The following ADAMTS18 variants were observed in gnomAD, a reference collection of about 807,000 sequenced individuals.
The protein encoded by ADAMTS18 is ADAM metallopeptidase with thrombospondin type 1 motif 18, also known as A disintegrin and metalloproteinase with thrombospondin motifs 18.
In ADAMTS18, 157 loss-of-function variants were observed where a neutral mutation model predicts 165.9. That is an observed-to-expected ratio of 0.95 (90% CI 0.83 to 1.08). The LOEUF (loss-of-function observed/expected upper bound fraction) is 1.08. Among genes scored for constraint, ADAMTS18 ranks in the 50% least tolerant of loss-of-function variants. The pLI, the probability that ADAMTS18 is intolerant of heterozygous loss-of-function variation, is 0.00. For synonymous variants in ADAMTS18, 782 were observed against 578.2 expected (o/e 1.35, Z -5.06); for missense variants, 2,040 against 1,534.0 (o/e 1.33, Z -5.51).
At chr16:77,369,420 G>A (rs761194276) in intron 3 of ADAMTS18, among the ~76,000 whole-genome samples, 43 of 152,098 alleles carry the variant, frequency 2.8e-4, no homozygotes, top group African/African-American at 7.0e-4. Flanking sequence ...TCCTTGAGGT[G>A]CAATATTAAG....
chr16:77,283,363 T>C lies in ADAMTS18; in HGVS notation c.*593A>G, dbSNP rs1321807220. 6.5e-6 allele frequency: 1 copy of C among 154,298 alleles called. No individual in the cohort carries two copies. Among genetic ancestry groups the C allele is most frequent in the Non-Finnish European group, 1.4e-5 (1 of 69,302 alleles). 9.6% of individuals were successfully genotyped at this position (154,298 alleles called of 1,614,324 possible). A position where few individuals can be genotyped will look rare whatever the true frequency, so the allele number is the denominator to read the frequency against. ...TCAGAGACTCTCTATAAGCAGAATA[T>C]AGTTTACACAAAATAATAAAGACAC... On this transcript the variant is annotated 3_prime_UTR_variant, in exon 23 of 23. Transcript: ENST00000282849.
At chr16:77,390,763 C>G (rs1201145742) in intron 3 of ADAMTS18, among the ~76,000 whole-genome samples, 2 of 151,992 alleles carry the variant, frequency 1.3e-5, no homozygotes, top group Non-Finnish European at 2.9e-5. Context: ...CTTTACCCCA[C>G]CTGGTCTGCA....
Position 77,282,684 on chromosome 16 carries a change from G to A in ADAMTS18, c.*1272C>T, listed in dbSNP as rs2055168679. On this transcript the variant is annotated 3_prime_UTR_variant, in exon 23 of 23. Transcript: ENST00000282849. ...ATAACCACTTCTCAAAAAATTACAG[G>A]AGGACACAGTATTATAATTACTTTG... is the stretch of plus-strand genomic sequence containing the variant. The A allele has an allele frequency of 6.6e-6, 1 of 152,508 alleles. No homozygotes were observed. Among genetic ancestry groups the A allele is most frequent in the Non-Finnish European group, 1.5e-5 (1 of 68,024 alleles). 9.4% of individuals were successfully genotyped at this position (152,508 alleles called of 1,614,324 possible).
intron 16 of ADAMTS18, among the ~76,000 whole-genome samples, chr16:77,305,074 C>T (rs572425710): frequency 3.4e-4 from 52 of 151,492 alleles, no homozygotes; most frequent in African/African-American, 1.2e-3. Flanking sequence ...AACATCAGCT[C>T]GTAAAGGCCT....
In ADAMTS18 at chr16:77,282,901, T is replaced by A; in HGVS notation, c.*1055A>T. ...TATTACCACTGTTTACTCCTTTCTT[T>A]CTCTCTTTTTTTTTTTTTTTTTTTT... On this transcript the variant is annotated 3_prime_UTR_variant, in exon 23 of 23. Coordinates refer to ENST00000282849, the MANE Select transcript of ADAMTS18 (RefSeq NM_199355.4). The A allele has an allele frequency of 1.6e-5, 1 of 63,232 alleles. No individual in the cohort carries two copies. The highest frequency in any genetic ancestry group is 3.2e-4 in the East Asian group (1 of 3,132). 3.9% of individuals were successfully genotyped at this position (63,232 alleles called of 1,614,324 possible).
intron 11 of ADAMTS18, among the ~76,000 whole-genome samples, chr16:77,338,933 G>A (rs571603143): frequency 5.7e-5 from 8 of 141,212 alleles, no homozygotes; most frequent in Admixed American, 1.5e-4. Flanking sequence ...CAGCCTGGGC[G>A]ACAGAGCAAG....
Position 77,322,408 on chromosome 16 carries a change from C to T in ADAMTS18, c.2091G>A (p.Met697Ile). The change falls in exon 14 of 23, where the codon ATG (methionine) becomes ATA (isoleucine). Residue 697 changes from methionine to isoleucine, a missense_variant. Physicochemically the swap from Met to Ile is conservative, Grantham distance 10. Coordinates refer to ENST00000282849, the MANE Select transcript of ADAMTS18 (RefSeq NM_199355.4). ...GAGTTCCATCTTTCACTTTGCCGGA[C>T]ATTGCAAAAAAAAATTCAAAGTTCT... ...KAENFEFFFAMSGKVKDGTPC... is the reference protein window; with the variant it reads ...KAENFEFFFAISGKVKDGTPC... 3 of 1,613,824 alleles carry T rather than the reference C, an allele frequency of 1.9e-6. No individual in the cohort carries two copies. The highest frequency in any genetic ancestry group is 2.5e-6 in the Non-Finnish European group (3 of 1,179,924).
chr16:77,395,205 G>T lies in ADAMTS18; in HGVS notation c.496-27482C>A, dbSNP rs140665339. ...TTAGGTCTTTCTGAATCAATTAGCA[G>T]TTAGTAAATGTGACCTGAGATGGGG... On this transcript the variant is annotated intron_variant, in intron 3 of 22. Coordinates refer to ENST00000282849, the MANE Select transcript of ADAMTS18 (RefSeq NM_199355.4). 2.0e-5 allele frequency among the ~76,000 whole-genome samples: 3 copies of T among 152,300 alleles called. No individual in the cohort carries two copies. The East Asian group carries it at 5.8e-4, about 29-fold the overall frequency.
At chr16:77,331,855 A>C (rs1195652006) in intron 12 of ADAMTS18, among the ~76,000 whole-genome samples, 2 of 152,234 alleles carry the variant, frequency 1.3e-5, no homozygotes, top group Non-Finnish European at 1.5e-5. Flanking sequence ...CGTGATGGGC[A>C]AAGTGTCTCC....
chr16:77,330,078 AG>A (rs907632603), intron 12 of ADAMTS18, among the ~76,000 whole-genome samples: 5 of 152,196 alleles, frequency 3.3e-5, no homozygotes. Context: ...TGGAAGATTC[AG>A]AAATCAGTAT....
intron 7 of ADAMTS18, among the ~76,000 whole-genome samples, chr16:77,360,199 C>T (rs1473421756): frequency 6.6e-6 from 1 of 152,176 alleles, no homozygotes; most frequent in Admixed American, 6.5e-5. Context: ...AAATCTAATA[C>T]AAAGGCACAA....
chr16:77,401,134 A>G (rs958373080), intron 3 of ADAMTS18, among the ~76,000 whole-genome samples: 4 of 152,074 alleles, frequency 2.6e-5, no homozygotes, highest in African/African-American at 7.2e-5. Context: ...GGGTGCCTAT[A>G]ATACCAGCTA....
At chr16:77,362,331 T>G (rs2056727980) in intron 6 of ADAMTS18, 67 bp from the exon 7 acceptor site, 1 of 1,546,812 alleles carries the variant, frequency 6.5e-7, no homozygotes, top group East Asian at 2.2e-5. Flanking sequence ...AATCATTCCA[T>G]TTGTACAGGC....
chr16:77,362,043 G>T (rs1475049592), intron 7 of ADAMTS18, 62 bp downstream of exon 7: 10 of 1,575,370 alleles, frequency 6.3e-6, no homozygotes, highest in Middle Eastern at 1.8e-4. Context: ...ATCATCCATA[G>T]AAAGTTTCCA....
intron 3 of ADAMTS18, among the ~76,000 whole-genome samples, chr16:77,382,271 C>T (rs980922174): frequency 2.6e-5 from 4 of 152,124 alleles, no homozygotes; most frequent in East Asian, 1.9e-4. Context: ...AGTGCAGTGG[C>T]GCGATCTCGG....
chr16:77,312,743 G>C, intron 16 of ADAMTS18, among the ~76,000 whole-genome samples: 1 of 152,154 alleles, frequency 6.6e-6, no homozygotes. Flanking sequence ...ACCACAATAA[G>C]ATACCATCTC....
chr16:77,432,716 GGAAGA>G (rs879375417), intron 2 of ADAMTS18, among the ~76,000 whole-genome samples: 1 of 151,468 alleles, frequency 6.6e-6, no homozygotes, highest in Non-Finnish European at 1.5e-5. Context: ...AGGAGGAAAA[GGAAGA>G]GAAATTTCTC....
intron 3 of ADAMTS18, among the ~76,000 whole-genome samples, chr16:77,382,367 C>A (rs1041993015): frequency 1.3e-5 from 2 of 152,228 alleles, no homozygotes; most frequent in East Asian, 1.9e-4. Flanking sequence ...CCCGCCACCA[C>A]GCCTGGCTAA....
intron 12 of ADAMTS18, among the ~76,000 whole-genome samples, chr16:77,334,413 TATTATATA>T (rs1411155236): frequency 2.7e-5 from 3 of 112,302 alleles, no homozygotes; most frequent in East Asian, 5.0e-4. Context: ...TTATAGTATA[TATTATATA>T]GTATATATAC....
Sources: allele counts gnomAD v4.1 joint callset (sites outside exome capture counted in the v4.1 genomes callset), GRCh38; gene constraint gnomAD v4.1.1; transcripts MANE v1.5; gene names NCBI Gene and HGNC (gene_info 2026-07-23, HGNC 2026-07-21).